The following NOA1 variants were observed in gnomAD, a reference collection of about 807,000 sequenced individuals.
NOA1 encodes nitric oxide-associated protein 1.
In NOA1, 35 loss-of-function variants were observed where a neutral mutation model predicts 58.4. The observed-to-expected ratio is 0.60, with a 90% CI of 0.46 to 0.79. NOA1 has a LOEUF of 0.79. NOA1 is among the 30% of genes least tolerant of loss of function. The probability of loss-of-function intolerance (pLI) is 0.00; values close to 1 mark genes in which losing one functional copy is unlikely to be tolerated. For missense variants in NOA1, 895 were observed against 894.6 expected, an observed-to-expected ratio of 1.00 and a Z score of -0.01; for synonymous variants, 397 against 373.4, an observed-to-expected ratio of 1.06 and a Z score of -0.73.
At position 56,977,231 on chromosome 4, in the gene NOA1, C is replaced by T. The variant is rs757459044; in HGVS notation, c.355G>A (p.Ala119Thr). The T allele has an allele frequency of 1.1e-4, 168 of 1,589,714 alleles. 1 individual carries two copies. The highest frequency in any genetic ancestry group is 4.3e-6 in the Non-Finnish European group (5 of 1,169,798). Reference sequence around the variant, plus strand: ...ACGACCGGGTGCTCCCGGGACCTGGCCCGTAGGTTTTGCTGTCGCCGCTCC... The same window carrying T: ...ACGACCGGGTGCTCCCGGGACCTGGTCCGTAGGTTTTGCTGTCGCCGCTCC... The part of the protein sequence containing the change: ...REERRQQNLR[A>T]RSREHPVVGH... The change falls in exon 1 of 7, where the codon GCC (alanine) becomes ACC (threonine). Residue 119 changes from alanine to threonine, a missense_variant. By Grantham distance (58) the Ala-to-Thr change is moderately conservative (BLOSUM62 0). Around this residue, in one of 3 missense-constraint regions of NOA1, gnomAD observed 680 missense variants for 656.5 expected, o/e 1.04. Coordinates refer to ENST00000264230, the MANE Select transcript of NOA1 (RefSeq NM_032313.4).
chr4:56,973,274 G>T lies in NOA1; in HGVS notation c.1389C>A (p.Ala463=), dbSNP rs1204140984. The change falls in exon 3 of 7, where the codon GCC becomes GCA. Residue 463 remains alanine (A), a synonymous_variant. Transcript: ENST00000264230. ...IPFEFDADSL[A]FDMENDPVMG... ...TAACAGGGTCATTTTCCATGTCAAAGGCAAGTGAATCAGCATCAAACTCAA... is the reference window on the plus strand; with the variant it reads ...TAACAGGGTCATTTTCCATGTCAAATGCAAGTGAATCAGCATCAAACTCAA... 2.5e-6 allele frequency: 4 copies of T among 1,614,036 alleles called. No individual in the cohort carries two copies. The Admixed American group carries it at 6.7e-5, about 27-fold the overall frequency.
chr4:56,963,756 GTCACTCTCTT>G, intron 6 of NOA1, 95 bp from the exon 7 acceptor site: 2 of 815,352 alleles, frequency 2.5e-6, no homozygotes, highest in South Asian at 3.2e-5. Flanking sequence ...AGAGAACGCT[GTCACTCTCTT>G]TCACTCTCTT....
At chr4:56,968,835 C>A (rs1376901046) in intron 3 of NOA1, among the ~76,000 whole-genome samples, 1 of 152,146 alleles carries the variant, frequency 6.6e-6, no homozygotes, top group Non-Finnish European at 1.5e-5. Context: ...TGATTCAATA[C>A]CAAGATAGAA....
At chr4:56,972,416 A>G (rs1431182101) in intron 3 of NOA1, among the ~76,000 whole-genome samples, 1 of 152,234 alleles carries the variant, frequency 6.6e-6, no homozygotes, top group African/African-American at 2.4e-5. Flanking sequence ...GGATAGGTGA[A>G]GAAGAGATGG....
intron 5 of NOA1, 99 bp from the exon 6 acceptor site, chr4:56,964,625 G>T (rs1721665417): frequency 1.1e-5 from 15 of 1,307,798 alleles, no homozygotes; most frequent in Non-Finnish European, 1.6e-5. Flanking sequence ...CAGGGATCAA[G>T]AATAAAATCC....
chr4:56,966,781 A>T, intron 4 of NOA1, 45 bp from the exon 5 acceptor site: 1 of 1,244,872 alleles, frequency 8.0e-7, no homozygotes, highest in Non-Finnish European at 1.2e-6. Context: ...AAACTTGGAA[A>T]ACCTGCATAT....
Position 56,977,605 on chromosome 4 carries a change from G to A in NOA1, c.-20C>T. 1 of 1,535,308 alleles carries A rather than the reference G, an allele frequency of 6.5e-7. No individual in the cohort carries two copies. The highest frequency in any genetic ancestry group is 8.8e-7 in the Non-Finnish European group (1 of 1,139,624). ...CAGCATGAGGAAGTAGCTCCAAAGG[G>A]GCGGAGCCACCAGCGCGCACGCGCA... On this transcript the variant is annotated 5_prime_UTR_variant, in exon 1 of 7. Transcript: ENST00000264230.
chr4:56,976,968 G>C lies in NOA1; in HGVS notation c.618C>G (p.Ser206Arg). 6.3e-7 allele frequency: 1 copy of C among 1,599,954 alleles called. No homozygotes were observed. The highest frequency in any genetic ancestry group is 2.2e-5 in the East Asian group (1 of 44,716). ...AGGGGCCGGGCCGCCGCAACGCGGC[G>C]CTCACCAGCTCCAGGTACTGCTCGC... ...VSREQYLELV[S>R]AALRRPGPSL... The change falls in exon 1 of 7, where the codon AGC (serine) becomes AGG (arginine). Residue 206 changes from serine (S) to arginine (R), a missense_variant. Around this residue, in one of 3 missense-constraint regions of NOA1, gnomAD observed 680 missense variants for 656.5 expected, o/e 1.04. Transcript: ENST00000264230.
At position 56,973,928 on chromosome 4, in the gene NOA1, T is replaced by G. The variant is rs939739683; in HGVS notation, c.1239A>C (p.Gln413His). 16 of 1,614,066 alleles carry G rather than the reference T, an allele frequency of 9.9e-6. No homozygotes were observed. The highest frequency in any genetic ancestry group is 1.4e-5 in the Non-Finnish European group (16 of 1,180,022). The change falls in exon 2 of 7, where the codon CAA (glutamine) becomes CAC (histidine). Residue 413 changes from glutamine to histidine, a missense_variant. By Grantham distance (24) the Gln-to-His change is conservative. Coordinates refer to ENST00000264230, the MANE Select transcript of NOA1 (RefSeq NM_032313.4). Reference protein sequence around the residue: ...RHQRLKKDSTQAEEDLSEQEQ... With the variant: ...RHQRLKKDSTHAEEDLSEQEQ... ...CTTGCTCACTAAGATCTTCTTCAGC[T>G]TGAGTTGAATCTTTTTTAAGTCTTT...
Position 56,966,606 on chromosome 4 carries a change from G to A in NOA1, c.1764+14C>T. On this transcript the variant is annotated intron_variant, in intron 5 of 6. Transcript: ENST00000264230. ...TACTAACCATAACCATGCAATCAAGGCATGTTGCCTTACCTGGAGTAACGT... is the reference window on the plus strand; with the variant it reads ...TACTAACCATAACCATGCAATCAAGACATGTTGCCTTACCTGGAGTAACGT... 9 of 1,485,484 alleles carry A rather than the reference G, an allele frequency of 6.1e-6. 1 individual carries two copies. The highest frequency in any genetic ancestry group is 8.5e-6 in the Non-Finnish European group (9 of 1,063,940). 92.0% of individuals were successfully genotyped at this position (1,485,484 alleles called of 1,614,324 possible). A position where few individuals can be genotyped will look rare whatever the true frequency, so the allele number is the denominator to read the frequency against.
In NOA1 at chr4:56,976,986, C is replaced by T. The variant is rs989050664; in HGVS notation, c.600G>A (p.Gln200=). The change falls in exon 1 of 7, where the codon CAG becomes CAA. Residue 200 remains glutamine, a synonymous_variant. Coordinates refer to ENST00000264230, the MANE Select transcript of NOA1 (RefSeq NM_032313.4). ...RALRLQVSRE[Q]YLELVSAALR... ...ACGCGGCGCTCACCAGCTCCAGGTA[C>T]TGCTCGCGGCTCACCTGCAGGCGTA... 6.3e-7 allele frequency: 1 copy of T among 1,595,550 alleles called. No individual in the cohort carries two copies. Among genetic ancestry groups the T allele is most frequent in the Non-Finnish European group, 8.5e-7 (1 of 1,175,054 alleles).
Position 56,977,203 on chromosome 4 carries a change from C to CCCACGACCGGGTGCT in NOA1, c.368_382dup (p.Glu123_Val127dup). 2 of 1,571,304 alleles carry CCCACGACCGGGTGCT rather than the reference C, an allele frequency of 1.3e-6. No individual in the cohort carries two copies. Among genetic ancestry groups the CCCACGACCGGGTGCT allele is most frequent in the African/African-American group, 2.7e-5 (2 of 73,954 alleles). ...GGGCGGCAATGCCGGGTCCGGGTGC[C>CCCACGACCGGGTGCT]CCACGACCGGGTGCTCCCGGGACCT... On this transcript the variant is annotated inframe_insertion, in exon 1 of 7. Coordinates refer to ENST00000264230, the MANE Select transcript of NOA1 (RefSeq NM_032313.4).
Position 56,977,054 on chromosome 4 carries a change from C to CCCAGCCAGCAGCGCTGGCACAG in NOA1, c.531_532insCTGTGCCAGCGCTGCTGGCTGG (p.Val178LeufsTer186). 6.3e-7 allele frequency: 1 copy of CCCAGCCAGCAGCGCTGGCACAG among 1,580,486 alleles called. No individual in the cohort carries two copies. The highest frequency in any genetic ancestry group is 8.6e-7 in the Non-Finnish European group (1 of 1,168,308). ...GACAGCAGCCAGCAGCGCTGGCACA[C>CCCAGCCAGCAGCGCTGGCACAG]GGTCCGTGCCAGCCCGCCGTCTGCC... is the stretch of plus-strand genomic sequence containing the variant. On this transcript the variant is annotated frameshift_variant, in exon 1 of 7. Transcript: ENST00000264230. LOFTEE classifies it high-confidence loss of function.
In NOA1 at chr4:56,973,372, A is replaced by T; in HGVS notation, c.1310-19T>A. On this transcript the variant is annotated intron_variant, in intron 2 of 6. Coordinates refer to ENST00000264230, the MANE Select transcript of NOA1 (RefSeq NM_032313.4). ...ACTCTTCCTAGAACAAGTTATAGTAAGGTTATTAGTCACTCCTTTAATACT... is the reference window on the plus strand; with the variant it reads ...ACTCTTCCTAGAACAAGTTATAGTATGGTTATTAGTCACTCCTTTAATACT... The T allele has an allele frequency of 6.3e-7, 1 of 1,590,500 alleles. No individual in the cohort carries two copies. The highest frequency in any genetic ancestry group is 8.6e-7 in the Non-Finnish European group (1 of 1,158,632).
In NOA1 at chr4:56,976,556, C is replaced by G. The variant is rs1721926759; in HGVS notation, c.1030G>C (p.Val344Leu). Residue 344 changes from valine to leucine, a missense_variant, in exon 1 of 7, where the codon GTG (valine) becomes CTG (leucine). Physicochemically the swap from Val to Leu is conservative, Grantham distance 32. This residue lies in a region of NOA1 where 680 missense variants were observed against 656.5 expected (regional missense o/e 1.04). Coordinates refer to ENST00000264230, the MANE Select transcript of NOA1 (RefSeq NM_032313.4). Reference protein sequence around the residue: ...SWRYRGDVYLVGATNAGKSTL... With the variant: ...SWRYRGDVYLLGATNAGKSTL... ...GATTTGCCGGCGTTGGTGGCGCCCACTAAGTAGACGTCCCCACGGTAGCGC... is the reference window on the plus strand; with the variant it reads ...GATTTGCCGGCGTTGGTGGCGCCCAGTAAGTAGACGTCCCCACGGTAGCGC... The G allele has an allele frequency of 6.2e-7, 1 of 1,614,140 alleles. No individual in the cohort carries two copies. Among genetic ancestry groups the G allele is most frequent in the Non-Finnish European group, 8.5e-7 (1 of 1,180,056 alleles).
intron 3 of NOA1, among the ~76,000 whole-genome samples, chr4:56,971,272 C>A (rs1718875): frequency 7.3e-6 from 1 of 137,464 alleles, no homozygotes; most frequent in Non-Finnish European, 1.5e-5. Flanking sequence ...AAGATCATTG[C>A]GCCACTGCAC....
rs1211303637 is a variant in NOA1 at position 56,968,365 on chromosome 4, T to A, written c.1647+19A>T. On this transcript the variant is annotated intron_variant, in intron 4 of 6. Coordinates refer to ENST00000264230, the MANE Select transcript of NOA1 (RefSeq NM_032313.4). ...CCAATATTTTAAAATCATTTTTTAA[T>A]AGTACAGACTTTTCTTACCTGCAGG... The A allele has an allele frequency of 3.1e-6, 5 of 1,598,634 alleles. No individual in the cohort carries two copies. In the Admixed American group the frequency reaches 9.1e-5, roughly 29 times the overall value.
Position 56,965,693 on chromosome 4 carries a change from G to GGTGTGTGTGTGT in NOA1, c.1764+915_1764+926dup, listed in dbSNP as rs10548713. Among the ~76,000 whole-genome samples the GGTGTGTGTGTGT allele has an allele frequency of 9.0e-3, 1,344 of 149,142 alleles. 21 individuals carry two copies. The highest frequency in any genetic ancestry group is 0.032 in the African/African-American group (1,284 of 40,454). ...ACTATAGCTTAATTGTCCAAAGTAT[G>GGTGTGTGTGTGT]GTGTGTGTGTGTGTGTGTGTGTGTG... On this transcript the variant is annotated intron_variant, in intron 5 of 6. Transcript: ENST00000264230.
In NOA1 at chr4:56,977,557, A is replaced by G; in HGVS notation, c.29T>C (p.Leu10Pro). 1 of 1,605,524 alleles carries G rather than the reference A, an allele frequency of 6.2e-7. No homozygotes were observed. The highest frequency in any genetic ancestry group is 8.5e-7 in the Non-Finnish European group (1 of 1,175,792). The change falls in exon 1 of 7, where the codon CTG (leucine) becomes CCG (proline). Residue 10 changes from leucine (L) to proline (P), a missense_variant. Coordinates refer to ENST00000264230, the MANE Select transcript of NOA1 (RefSeq NM_032313.4). The stretch of plus-strand genomic sequence containing the variant: ...GGATCCACGAAGGAAAAGGCTCAGC[A>G]GCCTGAACGGTAGGCGAGCGGGCAG... MLPARLPFR[L>P]LSLFLRGSAP...
Sources: gnomAD v4.1 joint callset for allele counts (sites outside exome capture counted in the v4.1 genomes callset) on GRCh38, gnomAD v4.1.1 for gene constraint, gnomAD v4.1.1 regional missense constraint, MANE v1.5 for transcripts, NCBI Gene and HGNC (gene_info 2026-07-23, HGNC 2026-07-21) for gene names.